The following ULK4 variants were observed in gnomAD, a reference collection of about 807,000 sequenced individuals.
The protein encoded by ULK4 is unc-51 like kinase 4, also known as inactive serine/threonine-protein kinase ULK4.
ULK4 carries 133 observed loss-of-function variants against 160.6 expected under a neutral mutation model. The ratio of observed to expected loss-of-function variants is 0.83; its 90% CI spans 0.72 to 0.96. The LOEUF is 0.96. Ranked by LOEUF, ULK4 falls within the 40% of genes least tolerant of loss-of-function variation. ULK4 has a pLI of 0.00. For synonymous variants in ULK4, 534 were observed against 539.8 expected, an observed-to-expected ratio of 0.99 and a Z score of 0.15; for missense variants, 1,580 against 1,499.5, an observed-to-expected ratio of 1.05 and a Z score of -0.89.
At chr3:41,438,246 C>T (rs762009156) in intron 34 of ULK4, among the ~76,000 whole-genome samples, 12 of 151,982 alleles carry the variant, frequency 7.9e-5, no homozygotes, top group Non-Finnish European at 5.9e-5. Context: ...TTTATATACA[C>T]ATATATAAAG....
chr3:41,421,416 T>A (rs900978623), intron 34 of ULK4, among the ~76,000 whole-genome samples: 1 of 152,214 alleles, frequency 6.6e-6, no homozygotes, highest in Admixed American at 6.5e-5. Flanking sequence ...TTAAAATGTT[T>A]ACTATTGACT....
intron 19 of ULK4, among the ~76,000 whole-genome samples, chr3:41,808,743 T>A (rs780588496): frequency 1.3e-5 from 2 of 152,256 alleles, no homozygotes; most frequent in African/African-American, 2.4e-5. Context: ...TTGGTCTACT[T>A]AGGCAGGCCG....
At chr3:41,361,182 C>A (rs1303615137) in intron 35 of ULK4, among the ~76,000 whole-genome samples, 2 of 152,018 alleles carry the variant, frequency 1.3e-5, no homozygotes, top group Admixed American at 6.6e-5. Context: ...CAGGTGCAGG[C>A]AGTTGGCAGA....
At chr3:41,732,413 G>T (rs6779381) in intron 22 of ULK4, among the ~76,000 whole-genome samples, 5 of 151,806 alleles carry the variant, frequency 3.3e-5, no homozygotes, top group Non-Finnish European at 7.4e-5. Flanking sequence ...CCACAATGAG[G>T]TATCACCTCA....
intron 16 of ULK4, among the ~76,000 whole-genome samples, chr3:41,893,034 A>T (rs1332973440): frequency 6.6e-6 from 1 of 152,254 alleles, no homozygotes; most frequent in African/African-American, 2.4e-5. Flanking sequence ...TGTGAGCAAC[A>T]GGACTTAAAC....
chr3:41,334,998 T>G (rs1020049546), intron 35 of ULK4, among the ~76,000 whole-genome samples: 1 of 152,064 alleles, frequency 6.6e-6, no homozygotes, highest in African/African-American at 2.4e-5. Context: ...ATAAAAGATA[T>G]AGAGTTGAGG....
intron 32 of ULK4, among the ~76,000 whole-genome samples, chr3:41,534,671 C>T (rs1344497320): frequency 6.6e-6 from 1 of 152,122 alleles, no homozygotes; most frequent in Non-Finnish European, 1.5e-5. Context: ...ACCTACCATA[C>T]TTCATTGACT....
chr3:41,627,483 C>A (rs2125698954), intron 30 of ULK4, among the ~76,000 whole-genome samples: 1 of 152,360 alleles, frequency 6.6e-6, no homozygotes, highest in South Asian at 2.1e-4. Context: ...GAGCCCCCAT[C>A]CGGCAAGGAC....
chr3:41,515,256 C>CA (rs1435795725), intron 32 of ULK4, among the ~76,000 whole-genome samples: 183 of 142,410 alleles, frequency 1.3e-3, no homozygotes, highest in African/African-American at 3.9e-3. Context: ...GACTCCATCT[C>CA]AAAAAAAAAG....
intron 22 of ULK4, among the ~76,000 whole-genome samples, chr3:41,733,355 G>A (rs1270342353): frequency 1.3e-5 from 2 of 152,058 alleles, no homozygotes; most frequent in African/African-American, 4.8e-5. Context: ...TGGAAGAGGA[G>A]ATGATCTAGT....
At position 41,872,691 on chromosome 3, in the gene ULK4, T is replaced by A. The variant is rs373363424; in HGVS notation, c.1656+11183A>T. On this transcript the variant is annotated intron_variant, in intron 17 of 36. Coordinates refer to ENST00000301831, the MANE Select transcript of ULK4 (RefSeq NM_017886.4). ...AAGAGGGTAAGCCCAATACAGCTCC[T>A]CGACAATTATCAGAACCACGAGCCC... Among the ~76,000 whole-genome samples, 58 of 152,128 alleles carry A rather than the reference T, an allele frequency of 3.8e-4. No homozygotes were observed. In the East Asian group the frequency reaches 9.5e-3, roughly 25 times the overall value.
chr3:41,935,923 C>T lies in ULK4; in HGVS notation c.256G>A (p.Val86Ile), dbSNP rs764642489. Residue 86 changes from valine to isoleucine, a missense_variant, in exon 4 of 37, where the codon GTT (valine) becomes ATT (isoleucine). Val to Ile is a conservative substitution (Grantham distance 29). Transcript: ENST00000301831. ...GGGAGGTTTTCATCTTGAGCAATAA[C>T]TGTTTTTAAGGAACCACCTGCAAGA... ...ELCTGGSLKTVIAQDENLPED... is the reference protein window; with the variant it reads ...ELCTGGSLKTIIAQDENLPED... 26 of 1,613,348 alleles carry T rather than the reference C, an allele frequency of 1.6e-5. No homozygotes were observed. The Middle Eastern group carries it at 8.2e-4, about 51-fold the overall frequency.
intron 19 of ULK4, among the ~76,000 whole-genome samples, chr3:41,803,801 C>T (rs897701435): frequency 6.6e-6 from 1 of 152,130 alleles, no homozygotes; most frequent in Non-Finnish European, 1.5e-5. Flanking sequence ...CATGTCCCTA[C>T]AAAGGACATG....
chr3:41,900,965 T>C lies in ULK4; in HGVS notation c.1183-136A>G. On this transcript the variant is annotated intron_variant, in intron 12 of 36. Transcript: ENST00000301831. ...AATGTACTTCAACTGCTATTCAAGA[T>C]GGTTGCAGTCTCATTTGATTTTCAC... 5.3e-6 allele frequency: 3 copies of C among 571,250 alleles called. No homozygotes were observed. The South Asian group carries it at 7.6e-5, about 15-fold the overall frequency. The allele number at this position is 571,250 out of a possible 1,614,324, so 35.4% of individuals were successfully genotyped here.
chr3:41,525,492 C>T (rs1456619459), intron 32 of ULK4, among the ~76,000 whole-genome samples: 1 of 152,212 alleles, frequency 6.6e-6, no homozygotes, highest in Non-Finnish European at 1.5e-5. Flanking sequence ...GGCAGGAAAT[C>T]AAAGGTCGGG....
chr3:41,477,414 C>A (rs1291514783), intron 32 of ULK4, among the ~76,000 whole-genome samples: 1 of 152,142 alleles, frequency 6.6e-6, no homozygotes, highest in Non-Finnish European at 1.5e-5. Context: ...AAATACAACA[C>A]TCTAAATCAA....
At chr3:41,468,462 T>G (rs1460896520) in intron 32 of ULK4, among the ~76,000 whole-genome samples, 1 of 151,930 alleles carries the variant, frequency 6.6e-6, no homozygotes, top group East Asian at 1.9e-4. Context: ...AAAAAGAAAA[T>G]GGGTGTCAAG....
In ULK4 at chr3:41,310,223, T is replaced by C. The variant is rs115450291; in HGVS notation, c.3679-60649A>G. On this transcript the variant is annotated intron_variant, in intron 35 of 36. Transcript: ENST00000301831. ...TGTTTCTAAATGCTTCTTTGCAATC[T>C]CTATACTTTCACATTGTGAATTAAT... Among the ~76,000 whole-genome samples, 410 of 152,332 alleles carry C rather than the reference T, an allele frequency of 2.7e-3. 3 individuals are homozygous for C. Among genetic ancestry groups the C allele is most frequent in the African/African-American group, 9.3e-3 (387 of 41,580 alleles).
At chr3:41,579,744 G>T (rs892582459) in intron 31 of ULK4, among the ~76,000 whole-genome samples, 1 of 151,894 alleles carries the variant, frequency 6.6e-6, no homozygotes, top group African/African-American at 2.4e-5. Flanking sequence ...CGCCCGTCTC[G>T]GCCTCCCAAA....
Sources: allele counts gnomAD v4.1 joint callset (sites outside exome capture counted in the v4.1 genomes callset), GRCh38; gene constraint gnomAD v4.1.1; transcripts MANE v1.5; gene names NCBI Gene and HGNC (gene_info 2026-07-23, HGNC 2026-07-21).